The following EPHA5 variants were observed in gnomAD, a reference collection of about 807,000 sequenced individuals.
EPHA5 encodes EPH receptor A5.
Under a neutral mutation model 105.0 loss-of-function variants are expected in EPHA5, and 60 were observed. The observed-to-expected ratio is 0.57, with a 90% CI of 0.46 to 0.71. EPHA5 has a LOEUF of 0.71. Ranked by LOEUF, EPHA5 falls within the 30% of genes least tolerant of loss-of-function variation. EPHA5 has a pLI of 0.00. For synonymous variants in EPHA5, 513 were observed against 449.1 expected (o/e 1.14, Z -1.80); for missense variants, 1,218 against 1,274.7 (o/e 0.96, Z 0.68).
chr4:65,602,663 T>C (rs4860188), intron 2 of EPHA5, among the ~76,000 whole-genome samples: 82,348 of 151,926 alleles, frequency 0.54, 22,835 homozygotes, highest in Middle Eastern at 0.67. Flanking sequence ...AAGAAAAATA[T>C]GTATATTTTG....
chr4:65,650,915 T>C (rs1264492992), intron 1 of EPHA5, among the ~76,000 whole-genome samples: 1 of 152,172 alleles, frequency 6.6e-6, no homozygotes, highest in Non-Finnish European at 1.5e-5. Context: ...TTGACACAAG[T>C]CCTTCCAGGG....
At chr4:65,347,545 G>A (rs1282257607) in intron 14 of EPHA5, among the ~76,000 whole-genome samples, 2 of 151,956 alleles carry the variant, frequency 1.3e-5, no homozygotes, top group Non-Finnish European at 2.9e-5. Flanking sequence ...TTTCCATTGT[G>A]GGGAAAATCT....
chr4:65,491,528 C>T (rs1469763540), intron 4 of EPHA5, among the ~76,000 whole-genome samples: 1 of 151,956 alleles, frequency 6.6e-6, no homozygotes, highest in Non-Finnish European at 1.5e-5. Flanking sequence ...AGATTTAACA[C>T]AAATATTTTC....
At chr4:65,439,886 C>CA (rs891839335) in intron 5 of EPHA5, among the ~76,000 whole-genome samples, 6 of 150,214 alleles carry the variant, frequency 4.0e-5, no homozygotes, top group African/African-American at 7.3e-5. Context: ...TTTTAAAAAG[C>CA]AAAAAAAAAT....
intron 5 of EPHA5, among the ~76,000 whole-genome samples, chr4:65,485,842 A>C (rs545657907): frequency 6.6e-6 from 1 of 152,304 alleles, no homozygotes; most frequent in Admixed American, 6.5e-5. Context: ...ATGTTCCCTC[A>C]GAACCACAAA....
rs1719622922 is a variant in EPHA5, at chr4:65,321,337, A to G, written c.*2777T>C. On this transcript the variant is annotated 3_prime_UTR_variant, in exon 17 of 17. Coordinates refer to ENST00000613740, the MANE Select transcript of EPHA5 (RefSeq NM_001281766.3). ...AGAAATTACACAATCAAGATTTGTTAAACTTTGCCTTGGATTATGGCCTCA... is the reference window on the plus strand; with the variant it reads ...AGAAATTACACAATCAAGATTTGTTGAACTTTGCCTTGGATTATGGCCTCA... The G allele has an allele frequency of 4.3e-6, 1 of 230,510 alleles. No individual in the cohort carries two copies. The highest frequency in any genetic ancestry group is 1.8e-4 in the South Asian group (1 of 5,508). 14.3% of individuals were successfully genotyped at this position (230,510 alleles called of 1,614,324 possible). A position where few individuals can be genotyped will look rare whatever the true frequency, so the allele number is the denominator to read the frequency against.
intron 1 of EPHA5, among the ~76,000 whole-genome samples, chr4:65,644,906 A>G (rs1401167797): frequency 6.6e-6 from 1 of 151,970 alleles, no homozygotes; most frequent in Non-Finnish European, 1.5e-5. Flanking sequence ...CTATTTTCTG[A>G]GCTCATTAAC....
chr4:65,531,553 A>C lies in EPHA5; in HGVS notation c.911-36010T>G, dbSNP rs938913268. Among the ~76,000 whole-genome samples, 3 of 146,116 alleles carry C rather than the reference A, an allele frequency of 2.1e-5. No individual in the cohort carries two copies. The South Asian group carries it at 6.3e-4, about 31-fold the overall frequency. ...ATGACCATGATCCAGGAATCTGATC[A>C]TAAAGAGGATATACTGAGATGTCTT... On this transcript the variant is annotated intron_variant, in intron 3 of 16. Transcript: ENST00000613740.
Position 65,537,175 on chromosome 4 carries a change from A to G in EPHA5, c.911-41632T>C, listed in dbSNP as rs187976312. ...AATTCATTTTCAGTTGTAAGAAAAT[A>G]GGATATGGGCCACTTATTTTCCAAT... On this transcript the variant is annotated intron_variant, in intron 3 of 16. Transcript: ENST00000613740. Among the ~76,000 whole-genome samples, 271 of 151,976 alleles carry G rather than the reference A, an allele frequency of 1.8e-3. 1 individual carries two copies. Among genetic ancestry groups the G allele is most frequent in the African/African-American group, 6.5e-3 (268 of 41,548 alleles).
intron 3 of EPHA5, among the ~76,000 whole-genome samples, chr4:65,577,218 C>A (rs1024633217): frequency 3.3e-5 from 5 of 152,024 alleles, no homozygotes; most frequent in Admixed American, 6.6e-5. Context: ...TTTACGGGTG[C>A]ACTTTATATT....
At chr4:65,661,386 T>C (rs1749545658) in intron 1 of EPHA5, among the ~76,000 whole-genome samples, 2 of 152,086 alleles carry the variant, frequency 1.3e-5, no homozygotes, top group Non-Finnish European at 2.9e-5. Context: ...GGTAATTTTG[T>C]TGTTGTTATT....
chr4:65,601,716 C>T lies in EPHA5; in HGVS notation c.835G>A (p.Glu279Lys), dbSNP rs369606981. 1.5e-5 allele frequency: 25 copies of T among 1,614,006 alleles called. No individual in the cohort carries two copies. The highest frequency in any genetic ancestry group is 1.6e-4 in the Middle Eastern group (1 of 6,084). The change falls in exon 3 of 17, where the codon GAA (glutamate) becomes AAA (lysine). Residue 279 changes from glutamate to lysine, a missense_variant. By Grantham distance (56) the Glu-to-Lys change is moderately conservative. Around this residue, in one of 3 missense-constraint regions of EPHA5, gnomAD observed 971 missense variants for 1,013.5 expected, o/e 0.96. Coordinates refer to ENST00000613740, the MANE Select transcript of EPHA5 (RefSeq NM_001281766.3). Reference sequence around the variant, plus strand: ...CCGATGGGCACCAGCCACTCCCCTTCGGCGCTGCAGTGCATTTTGGGAGGT... The same window carrying T: ...CCGATGGGCACCAGCCACTCCCCTTTGGCGCTGCAGTGCATTTTGGGAGGT... ...DEPPKMHCSA[E>K]GEWLVPIGKC...
chr4:65,502,255 G>A (rs1255117517), intron 3 of EPHA5, among the ~76,000 whole-genome samples: 5 of 151,360 alleles, frequency 3.3e-5, no homozygotes, highest in Admixed American at 6.6e-5. Context: ...ATGAAAAGCG[G>A]GATCTAAGTA....
intron 13 of EPHA5, among the ~76,000 whole-genome samples, chr4:65,348,678 ATATATATATATATATATATAAAAT>A (rs1410630379): frequency 9.2e-5 from 7 of 76,414 alleles, no homozygotes; most frequent in African/African-American, 3.1e-4. Context: ...ATATATATAT[ATATATATATATATATATATAAAAT>A]ATATATGTGT....
intron 14 of EPHA5, among the ~76,000 whole-genome samples, chr4:65,342,388 T>C (rs1022201140): frequency 6.6e-6 from 1 of 152,098 alleles, no homozygotes; most frequent in Non-Finnish European, 1.5e-5. Context: ...AGTCAAATAA[T>C]TCGCTTACTG....
intron 6 of EPHA5, among the ~76,000 whole-genome samples, chr4:65,419,793 C>G (rs1244949463): frequency 6.6e-6 from 1 of 152,114 alleles, no homozygotes; most frequent in Non-Finnish European, 1.5e-5. Flanking sequence ...CAATAGCTCA[C>G]TTGCTTGTGA....
rs187442526 is a variant in EPHA5 at position 65,427,472 on chromosome 4, C to T, written c.1403-6907G>A. 2.4e-3 allele frequency among the ~76,000 whole-genome samples: 362 copies of T among 152,130 alleles called. 2 individuals carry two copies. Among genetic ancestry groups the T allele is most frequent in the African/African-American group, 8.2e-3 (340 of 41,500 alleles). On this transcript the variant is annotated intron_variant, in intron 5 of 16. Transcript: ENST00000613740. ...CTGGGATTATAGGCGTGAGTCACCG[C>T]GCCCCGTCCTTGAGTATATTTTTAA...
chr4:65,495,617 T>C (rs549485531), intron 3 of EPHA5, 74 bp from the exon 4 acceptor site: 135 of 1,321,624 alleles, frequency 1.0e-4, no homozygotes, highest in Admixed American at 8.9e-5. Flanking sequence ...AATGTCATTA[T>C]TTTGACTTGT....
chr4:65,333,539 C>CTG lies in EPHA5; in HGVS notation c.2790-1413_2790-1412dup, dbSNP rs56925203. ...TGCGTGTGCGTGTGAGAGTGTGTGT[C>CTG]TGTGTGTGTGTGTGTGTGTGTGTGT... On this transcript the variant is annotated intron_variant, in intron 15 of 16. Transcript: ENST00000613740. Among the ~76,000 whole-genome samples, 181 of 111,870 alleles carry CTG rather than the reference C, an allele frequency of 1.6e-3. 1 individual carries two copies. Among genetic ancestry groups the CTG allele is most frequent in the African/African-American group, 5.4e-3 (130 of 24,286 alleles). The allele number at this position is 111,870 out of a possible 152,430, so 73.4% of individuals were successfully genotyped here.
Sources: allele counts gnomAD v4.1 joint callset (sites outside exome capture counted in the v4.1 genomes callset), GRCh38; gene constraint gnomAD v4.1.1; regional missense constraint gnomAD v4.1.1; transcripts MANE v1.5; gene names NCBI Gene and HGNC (gene_info 2026-07-23, HGNC 2026-07-21).